COL13A1: variants seen among roughly 807,000 people sequenced by gnomAD.
COL13A1 encodes the protein collagen alpha-1(XIII) chain.
A neutral mutation model predicts 130.9 loss-of-function variants in COL13A1; 89 were observed. The ratio of observed to expected loss-of-function variants is 0.68; its 90% CI spans 0.57 to 0.81. COL13A1 has a LOEUF of 0.81. Ranked by LOEUF, COL13A1 falls within the 30% of genes least tolerant of loss-of-function variation. COL13A1 has a pLI of 0.00. For synonymous variants in COL13A1, 402 were observed against 341.6 expected, an observed-to-expected ratio of 1.18 and a Z score of -1.95; for missense variants, 879 against 934.6, an observed-to-expected ratio of 0.94 and a Z score of 0.78.
At chr10:69,882,107 G>A (rs1347805801) in intron 7 of COL13A1, among the ~76,000 whole-genome samples, 1 of 152,214 alleles carries the variant, frequency 6.6e-6, no homozygotes, top group Non-Finnish European at 1.5e-5. Context: ...GATGAAGGTG[G>A]TGATGGGAAG....
At chr10:69,891,492 AGCTGGC>A (rs2061165557) in intron 10 of COL13A1, among the ~76,000 whole-genome samples, 4 of 152,188 alleles carry the variant, frequency 2.6e-5, no homozygotes, top group Admixed American at 1.3e-4. Context: ...GTGGCAGAAG[AGCTGGC>A]GCTGGAATCC....
At chr10:69,872,821 T>C (rs1457025214) in intron 4 of COL13A1, among the ~76,000 whole-genome samples, 1 of 152,196 alleles carries the variant, frequency 6.6e-6, no homozygotes, top group Non-Finnish European at 1.5e-5. Flanking sequence ...ATAAACCTGT[T>C]TTATACATGA....
rs149949807 is a variant in COL13A1, at chr10:69,829,496, C to T, written c.364+7058C>T. ...ATTTGGAGTAACAGACTATGGCTGA[C>T]GGGAGCCCTGGCCAAGCCAGACAGA... On this transcript the variant is annotated intron_variant, in intron 2 of 40. Coordinates refer to ENST00000645393, the MANE Select transcript of COL13A1 (RefSeq NM_001368882.1). 2.4e-3 allele frequency among the ~76,000 whole-genome samples: 373 copies of T among 152,324 alleles called. 4 individuals are homozygous for T. The highest frequency in any genetic ancestry group is 8.5e-3 in the African/African-American group (352 of 41,572).
At position 69,830,767 on chromosome 10, in the gene COL13A1, G is replaced by A. The variant is rs538997513; in HGVS notation, c.364+8329G>A. 7.9e-5 allele frequency among the ~76,000 whole-genome samples: 12 copies of A among 152,194 alleles called. No homozygotes were observed. In the East Asian group the frequency reaches 1.5e-3, roughly 20 times the overall value. On this transcript the variant is annotated intron_variant, in intron 2 of 40. Coordinates refer to ENST00000645393, the MANE Select transcript of COL13A1 (RefSeq NM_001368882.1). ...ATGTAATTCCCATATACAATTGGTC[G>A]ATTTAAAGTGTACAATTTGATGGGC...
At chr10:69,880,691 C>A (rs2060047467) in intron 7 of COL13A1, 138 bp downstream of exon 7, 1 of 834,068 alleles carries the variant, frequency 1.2e-6, no homozygotes, top group Non-Finnish European at 1.9e-6. Context: ...ATGTGGTCAG[C>A]CCAGCCAGGC....
intron 39 of COL13A1, among the ~76,000 whole-genome samples, chr10:69,953,597 G>A (rs1349431669): frequency 4.6e-5 from 7 of 152,224 alleles, no homozygotes; most frequent in Non-Finnish European, 1.0e-4. Context: ...AATTAATGAT[G>A]AGGCACTTCT....
intron 35 of COL13A1, 101 bp downstream of exon 35, chr10:69,941,124 C>T (rs2067577951): frequency 6.3e-7 from 1 of 1,575,934 alleles, no homozygotes; most frequent in Non-Finnish European, 8.7e-7. Flanking sequence ...CCCAGTGAAT[C>T]ATGCCTGGTC....
At chr10:69,842,924 G>C (rs903987568) in intron 2 of COL13A1, among the ~76,000 whole-genome samples, 1 of 152,180 alleles carries the variant, frequency 6.6e-6, no homozygotes, top group Non-Finnish European at 1.5e-5. Context: ...ACATGCCTCC[G>C]GTCTACACTC....
intron 38 of COL13A1, among the ~76,000 whole-genome samples, chr10:69,948,452 G>C (rs907632834): frequency 2.0e-5 from 3 of 152,088 alleles, no homozygotes; most frequent in African/African-American, 7.2e-5. Flanking sequence ...TAAACAAGAG[G>C]GAGCAGCAGC....
At chr10:69,900,632 C>T (rs1297040172) in intron 14 of COL13A1, among the ~76,000 whole-genome samples, 1 of 152,232 alleles carries the variant, frequency 6.6e-6, no homozygotes, top group Non-Finnish European at 1.5e-5. Context: ...ACAGGCTCTA[C>T]AAGCCGCTTA....
chr10:69,932,446 TG>T (rs141039804), intron 30 of COL13A1, 113 bp from the exon 31 acceptor site: 18,046 of 712,552 alleles, frequency 0.025, 403 homozygotes, highest in South Asian at 0.084. Flanking sequence ...TGGTGTTCCT[TG>T]TTGACCCCTA....
At chr10:69,809,364 C>T (rs1476190184) in intron 1 of COL13A1, among the ~76,000 whole-genome samples, 1 of 152,236 alleles carries the variant, frequency 6.6e-6, no homozygotes, top group Non-Finnish European at 1.5e-5. Flanking sequence ...TGAGTTTACG[C>T]TGTGTATTGA....
chr10:69,907,783 C>A (rs2062935781), intron 17 of COL13A1, among the ~76,000 whole-genome samples: 1 of 152,212 alleles, frequency 6.6e-6, no homozygotes, highest in Non-Finnish European at 1.5e-5. Context: ...CAATAACTAA[C>A]CCACTCTTAC....
chr10:69,863,245 T>C (rs986530515), intron 2 of COL13A1, among the ~76,000 whole-genome samples: 1 of 152,124 alleles, frequency 6.6e-6, no homozygotes, highest in Admixed American at 6.5e-5. Flanking sequence ...AGTCGTGAAA[T>C]CAAAATGTCT....
chr10:69,827,480 G>A lies in COL13A1; in HGVS notation c.364+5042G>A, dbSNP rs755546398. Among the ~76,000 whole-genome samples, 6 of 152,282 alleles carry A rather than the reference G, an allele frequency of 3.9e-5. No individual in the cohort carries two copies. The East Asian group carries it at 7.7e-4, about 20-fold the overall frequency. On this transcript the variant is annotated intron_variant, in intron 2 of 40. Transcript: ENST00000645393. The stretch of plus-strand genomic sequence containing the variant: ...GGGGAGCAGTGCCTCTGCCCTGGCT[G>A]TGCTGTCCTCACAGGAGATGATGTG...
intron 10 of COL13A1, among the ~76,000 whole-genome samples, chr10:69,890,369 C>A (rs957466120): frequency 6.6e-6 from 1 of 152,220 alleles, no homozygotes; most frequent in South Asian, 2.1e-4. Flanking sequence ...AACAGACAGA[C>A]AAACAAAACA....
At chr10:69,917,405 C>A in intron 18 of COL13A1, 72 bp downstream of exon 18, 4 of 1,358,024 alleles carry the variant, frequency 2.9e-6, no homozygotes, top group South Asian at 1.3e-5. Context: ...CTCTCCTCAG[C>A]TCTGGGGACA....
At chr10:69,869,073 AG>A (rs1001474200) in intron 3 of COL13A1, among the ~76,000 whole-genome samples, 2 of 151,956 alleles carry the variant, frequency 1.3e-5, no homozygotes, top group African/African-American at 2.4e-5. Flanking sequence ...CCTCACCCCC[AG>A]GGCCAGGATG....
At chr10:69,877,858 C>T (rs543850685) in intron 5 of COL13A1, among the ~76,000 whole-genome samples, 181 bp from the exon 6 acceptor site, 12 of 152,254 alleles carry the variant, frequency 7.9e-5, no homozygotes, top group African/African-American at 1.7e-4. Flanking sequence ...GCTTGTTGGA[C>T]GTGGACCTGC....
Sources: allele counts gnomAD v4.1 joint callset (sites outside exome capture counted in the v4.1 genomes callset), GRCh38; gene constraint gnomAD v4.1.1; transcripts MANE v1.5; gene names NCBI Gene and HGNC (gene_info 2026-07-23, HGNC 2026-07-21).